DLG2: variants seen among roughly 807,000 people sequenced by gnomAD.
DLG2 encodes discs large MAGUK scaffold protein 2.
In DLG2, 45 loss-of-function variants were observed where a neutral mutation model predicts 132.5. The observed-to-expected ratio is 0.34, with a 90% CI of 0.27 to 0.44. The LOEUF is 0.44. Among genes scored for constraint, DLG2 ranks in the 20% least tolerant of loss-of-function variants. The pLI, the probability that DLG2 is intolerant of heterozygous loss-of-function variation, is 1.00. For missense variants in DLG2, 1,045 were observed against 1,196.9 expected, an observed-to-expected ratio of 0.87 and a Z score of 1.87; for synonymous variants, 424 against 419.6, an observed-to-expected ratio of 1.01 and a Z score of -0.13.
In DLG2 at chr11:84,968,611, T is replaced by C. The variant is rs185811724; in HGVS notation, c.357+143050A>G. Among the ~76,000 whole-genome samples, 5 of 152,336 alleles carry C rather than the reference T, an allele frequency of 3.3e-5. No individual in the cohort carries two copies. In the East Asian group the frequency reaches 7.7e-4, roughly 23 times the overall value. ...TTATACTGAAATGTATGTTACTTTCTTATGGAAATTAACCAAAAATGATTT... is the reference window on the plus strand; with the variant it reads ...TTATACTGAAATGTATGTTACTTTCCTATGGAAATTAACCAAAAATGATTT... On this transcript the variant is annotated intron_variant, in intron 6 of 27. Transcript: ENST00000376104.
intron 4 of DLG2, among the ~76,000 whole-genome samples, chr11:85,165,034 G>A (rs1312756119): frequency 6.6e-6 from 1 of 152,138 alleles, no homozygotes; most frequent in Admixed American, 6.5e-5. Context: ...AGCTCTCCAG[G>A]TGATTCTGAC....
At chr11:84,832,144 T>C (rs1049444033) in intron 6 of DLG2, among the ~76,000 whole-genome samples, 3 of 151,674 alleles carry the variant, frequency 2.0e-5, no homozygotes, top group South Asian at 2.1e-4. Context: ...TGTTTTTTAC[T>C]GCTTTAAGCT....
intron 6 of DLG2, among the ~76,000 whole-genome samples, chr11:84,698,251 G>T (rs974738742): frequency 3.3e-5 from 5 of 151,440 alleles, no homozygotes; most frequent in African/African-American, 1.2e-4. Flanking sequence ...TAAATTCATA[G>T]TGTTTGTCTT....
intron 8 of DLG2, among the ~76,000 whole-genome samples, chr11:84,227,370 A>G (rs979579365): frequency 7.2e-5 from 11 of 152,154 alleles, no homozygotes; most frequent in African/African-American, 2.7e-4. Flanking sequence ...AGAGACACAC[A>G]ATGGATATGA....
intron 18 of DLG2, among the ~76,000 whole-genome samples, chr11:83,770,699 T>G (rs2094357548): frequency 6.6e-6 from 1 of 152,216 alleles, no homozygotes; most frequent in Admixed American, 6.5e-5. Context: ...TTGATTTTCT[T>G]TATAGCTTGT....
intron 8 of DLG2, among the ~76,000 whole-genome samples, chr11:84,208,263 G>T (rs10751105): frequency 6.6e-6 from 1 of 151,680 alleles, no homozygotes; most frequent in Non-Finnish European, 1.5e-5. Flanking sequence ...TAACACAACC[G>T]ACTTTGGTGC....
intron 2 of DLG2, among the ~76,000 whole-genome samples, chr11:85,600,406 C>T (rs953579640): frequency 2.6e-5 from 4 of 152,182 alleles, no homozygotes; most frequent in Non-Finnish European, 5.9e-5. Context: ...GGCTTCCACA[C>T]AGGTGTGCTG....
At chr11:85,551,448 A>G (rs1281243723) in intron 3 of DLG2, among the ~76,000 whole-genome samples, 1 of 152,158 alleles carries the variant, frequency 6.6e-6, no homozygotes, top group Non-Finnish European at 1.5e-5. Flanking sequence ...TTATAATTGT[A>G]CCAATGTTGC....
chr11:84,629,412 T>C (rs376307961), intron 6 of DLG2, among the ~76,000 whole-genome samples: 68 of 152,332 alleles, frequency 4.5e-4, no homozygotes, highest in Middle Eastern at 3.4e-3. Flanking sequence ...GTGGAAATGC[T>C]GGGGAGCTGT....
intron 7 of DLG2, among the ~76,000 whole-genome samples, chr11:84,314,754 C>T (rs1371381495): frequency 6.6e-6 from 1 of 151,368 alleles, no homozygotes; most frequent in African/African-American, 2.4e-5. Context: ...TGTTAATATA[C>T]ATAAGTAGTT....
At chr11:85,357,891 A>G (rs1334471462) in intron 3 of DLG2, among the ~76,000 whole-genome samples, 1 of 151,504 alleles carries the variant, frequency 6.6e-6, no homozygotes. Context: ...AGGATAATCT[A>G]TCATCACAAA....
Position 83,962,568 on chromosome 11 carries a change from ATCTTC to A in DLG2, c.1340+312_1340+316del, listed in dbSNP as rs373608957. Among the ~76,000 whole-genome samples the A allele has an allele frequency of 9.2e-5, 14 of 152,208 alleles. No homozygotes were observed. The East Asian group carries it at 2.5e-3, about 27-fold the overall frequency. On this transcript the variant is annotated intron_variant, in intron 14 of 27. Coordinates refer to ENST00000376104, the MANE Select transcript of DLG2 (RefSeq NM_001142699.3). ...TTCCTTCCTTTTGAATCTCAGCACT[ATCTTC>A]TCTTCTCAAGTATTAATACTTACCT...
At chr11:85,498,004 T>A (rs1360474856) in intron 3 of DLG2, among the ~76,000 whole-genome samples, 1 of 152,122 alleles carries the variant, frequency 6.6e-6, no homozygotes, top group Non-Finnish European at 1.5e-5. Flanking sequence ...ATCGATGCTA[T>A]GAAGAAACCA....
At chr11:85,506,233 T>A (rs1463990462) in intron 3 of DLG2, among the ~76,000 whole-genome samples, 1 of 152,234 alleles carries the variant, frequency 6.6e-6, no homozygotes, top group Non-Finnish European at 1.5e-5. Context: ...TGCTCTGATC[T>A]TAGTTATTTC....
chr11:84,203,627 G>A (rs1007463050), intron 8 of DLG2, among the ~76,000 whole-genome samples: 1 of 150,872 alleles, frequency 6.6e-6, no homozygotes, highest in Non-Finnish European at 1.5e-5. Flanking sequence ...TTTGCAGCAG[G>A]GACATGGATG....
chr11:85,187,954 T>A (rs1221779869), intron 4 of DLG2, among the ~76,000 whole-genome samples: 1 of 152,096 alleles, frequency 6.6e-6, no homozygotes, highest in Non-Finnish European at 1.5e-5. Context: ...GAGACGGCCA[T>A]AAAGGGCCTT....
intron 6 of DLG2, among the ~76,000 whole-genome samples, chr11:84,558,217 G>T (rs1254090061): frequency 6.6e-6 from 1 of 152,132 alleles, no homozygotes; most frequent in Admixed American, 6.6e-5. Context: ...TTCACTAAGT[G>T]GTTTGGAGTT....
At chr11:84,087,016 T>C (rs915810047) in intron 10 of DLG2, among the ~76,000 whole-genome samples, 3 of 152,236 alleles carry the variant, frequency 2.0e-5, no homozygotes, top group Admixed American at 6.5e-5. Context: ...CAGCTAATAG[T>C]ATCCCATTTT....
chr11:84,077,354 G>A (rs2096843129), intron 10 of DLG2, among the ~76,000 whole-genome samples: 1 of 152,124 alleles, frequency 6.6e-6, no homozygotes, highest in African/African-American at 2.4e-5. Context: ...AATCTAATGA[G>A]ATCTCGTTAG....
Sources: gnomAD v4.1 joint callset for allele counts (sites outside exome capture counted in the v4.1 genomes callset) on GRCh38, gnomAD v4.1.1 for gene constraint, MANE v1.5 for transcripts, NCBI Gene and HGNC (gene_info 2026-07-23, HGNC 2026-07-21) for gene names.